Variants in CEP152 observed in about 807,000 individuals in gnomAD.
CEP152 encodes the protein centrosomal protein of 152 kDa.
A neutral mutation model predicts 188.9 loss-of-function variants in CEP152; 132 were observed. The ratio of observed to expected loss-of-function variants is 0.70; its 90% CI spans 0.61 to 0.81. The LOEUF (loss-of-function observed/expected upper bound fraction) is 0.81, where lower values mean the gene tolerates loss of function less well. Among genes scored for constraint, CEP152 ranks in the 30% least tolerant of loss-of-function variants. CEP152 has a pLI of 0.00. For missense variants in CEP152, 1,914 were observed against 1,969.8 expected, an observed-to-expected ratio of 0.97 and a Z score of 0.54; for synonymous variants, 649 against 666.6, an observed-to-expected ratio of 0.97 and a Z score of 0.41.
intron 9 of CEP152, among the ~76,000 whole-genome samples, chr15:48,787,926 T>C (rs1052700005): frequency 1.8e-4 from 27 of 152,250 alleles, no homozygotes; most frequent in Non-Finnish European, 4.4e-5. Flanking sequence ...AAAAATTCAC[T>C]GTGCAATATG....
intron 2 of CEP152, among the ~76,000 whole-genome samples, chr15:48,800,129 G>A (rs754116581): frequency 6.6e-6 from 1 of 151,874 alleles, no homozygotes; most frequent in Non-Finnish European, 1.5e-5. Flanking sequence ...CCACAAAATT[G>A]GCATCCACAG....
chr15:48,797,102 T>G (rs1897344990), intron 5 of CEP152, among the ~76,000 whole-genome samples, 199 bp downstream of exon 5: 1 of 152,226 alleles, frequency 6.6e-6, no homozygotes, highest in African/African-American at 2.4e-5. Context: ...ACTTCTGACT[T>G]AAGATCATGA....
At chr15:48,757,882 T>C (rs1894391393) in intron 19 of CEP152, among the ~76,000 whole-genome samples, 1 of 152,250 alleles carries the variant, frequency 6.6e-6, no homozygotes, top group African/African-American at 2.4e-5. Context: ...TGCCTGGAAG[T>C]CATTCCCAGG....
chr15:48,785,546 G>A (rs1896567345), intron 9 of CEP152, among the ~76,000 whole-genome samples: 1 of 151,812 alleles, frequency 6.6e-6, no homozygotes, highest in Non-Finnish European at 1.5e-5. Flanking sequence ...ATTCTGGGGA[G>A]GTCACAATAG....
intron 11 of CEP152, 129 bp from the exon 12 acceptor site, chr15:48,781,488 C>T: frequency 4.5e-6 from 3 of 664,884 alleles, no homozygotes; most frequent in Non-Finnish European, 7.7e-6. Context: ...ATTATTAGTA[C>T]ACATTATACT....
chr15:48,735,395 T>G (rs1722664325), downstream of CEP152, among the ~76,000 whole-genome samples: 1 of 152,192 alleles, frequency 6.6e-6, no homozygotes. Context: ...TACATCTATA[T>G]CAATAGAGAA....
At chr15:48,730,609 C>T (rs747660042) in intron 2 of CEP152, among the ~76,000 whole-genome samples, 12 of 152,176 alleles carry the variant, frequency 7.9e-5, no homozygotes, top group African/African-American at 2.9e-4. Context: ...ATTGCCTGAA[C>T]ATTGAATGCA....
At chr15:48,767,802 C>A (rs754086117) in intron 15 of CEP152, among the ~76,000 whole-genome samples, 5 of 152,092 alleles carry the variant, frequency 3.3e-5, no homozygotes, top group Non-Finnish European at 7.4e-5. Context: ...AATTTCAAGT[C>A]ATCTATATTA....
chr15:48,757,566 A>C (rs1278306504), intron 19 of CEP152, among the ~76,000 whole-genome samples: 3 of 152,156 alleles, frequency 2.0e-5, no homozygotes, highest in African/African-American at 4.8e-5. Flanking sequence ...AATATTCCTG[A>C]CTGAATTCCT....
rs747666132 is a variant in CEP152 at position 48,797,962 on chromosome 15, A to G, written c.177T>C (p.Asp59=). 18 of 1,613,836 alleles carry G rather than the reference A, an allele frequency of 1.1e-5. No individual in the cohort carries two copies. The highest frequency in any genetic ancestry group is 7.7e-5 in the South Asian group (7 of 91,076). ...PELQYSDCSE[D]GTDGQPHHPE... Reference sequence around the variant, plus strand: ...CAGGTGCTTACTGTCCGTCTGTGCCATCCTCGCTGCAGTCCGAATACTGGA... The same window carrying G: ...CAGGTGCTTACTGTCCGTCTGTGCCGTCCTCGCTGCAGTCCGAATACTGGA... The change falls in exon 3 of 27, where the codon GAT becomes GAC. Residue 59 remains aspartate, a synonymous_variant. Coordinates refer to ENST00000380950, the MANE Select transcript of CEP152 (RefSeq NM_001194998.2).
intron 2 of CEP152, among the ~76,000 whole-genome samples, chr15:48,805,035 A>G (rs1414116340): frequency 6.6e-6 from 1 of 152,134 alleles, no homozygotes; most frequent in African/African-American, 2.4e-5. Context: ...CTCAGCTCAT[A>G]TATTGCCTCC....
chr15:48,799,201 T>C (rs1455036421), intron 2 of CEP152, among the ~76,000 whole-genome samples: 1 of 152,154 alleles, frequency 6.6e-6, no homozygotes, highest in Non-Finnish European at 1.5e-5. Flanking sequence ...AGCATTTTTT[T>C]TCCACTTTAC....
rs1318752921 is a variant in CEP152, at chr15:48,741,963, C to T, written c.3973G>A (p.Asp1325Asn). The change falls in exon 25 of 27, where the codon GAT (aspartate) becomes AAT (asparagine). Residue 1325 changes from aspartate (D) to asparagine (N), a missense_variant. By Grantham distance (23) the Asp-to-Asn change is conservative (BLOSUM62 1). Coordinates refer to ENST00000380950, the MANE Select transcript of CEP152 (RefSeq NM_001194998.2). Reference sequence around the variant, plus strand: ...TGAACTCACCCTTCTTTTCCATCATCCTGCAAAATCTGTTGGAGGCAAATC... The same window carrying T: ...TGAACTCACCCTTCTTTTCCATCATTCTGCAAAATCTGTTGGAGGCAAATC... ...YLICLQQILQDDGKEGAEKKI... is the reference protein window; with the variant it reads ...YLICLQQILQNDGKEGAEKKI... 1.9e-6 allele frequency: 3 copies of T among 1,614,052 alleles called. No homozygotes were observed. The highest frequency in any genetic ancestry group is 2.7e-5 in the African/African-American group (2 of 74,934).
In CEP152 at chr15:48,796,147, T is replaced by G; in HGVS notation, c.554A>C (p.Gln185Pro). 6.2e-7 allele frequency: 1 copy of G among 1,613,794 alleles called. No homozygotes were observed. Among genetic ancestry groups the G allele is most frequent in the Non-Finnish European group, 8.5e-7 (1 of 1,179,780 alleles). The change falls in exon 6 of 27, where the codon CAA becomes CCA. Residue 185 changes from glutamine to proline, a missense_variant. By Grantham distance (76) the Gln-to-Pro change is moderately conservative. Transcript: ENST00000380950. ...QWNHFQGPSC[Q>P]GLEPYNKVTY... is the part of the protein sequence containing the mutation. The stretch of plus-strand genomic sequence containing the variant: ...CACTTTATTATACGGTTCCAAACCT[T>G]GACAACTGGGACCCTGTGATAACAA...
chr15:48,809,051 C>T (rs1037989255), intron 1 of CEP152, among the ~76,000 whole-genome samples: 7 of 152,108 alleles, frequency 4.6e-5, no homozygotes, highest in South Asian at 4.1e-4. Flanking sequence ...TTGTTGTCCC[C>T]GGTTGTTTTC....
intron 21 of CEP152, among the ~76,000 whole-genome samples, chr15:48,751,814 A>C (rs757360532): frequency 1.3e-5 from 2 of 152,222 alleles, no homozygotes; most frequent in Non-Finnish European, 2.9e-5. Context: ...GCTCTAGTAC[A>C]GTATAAGAAT....
At chr15:48,751,220 G>C (rs1387389198) in intron 21 of CEP152, among the ~76,000 whole-genome samples, 1 of 152,148 alleles carries the variant, frequency 6.6e-6, no homozygotes, top group Middle Eastern at 3.4e-3. Context: ...TATTTTTATA[G>C]TCTGATTTTT....
chr15:48,786,678 T>C (rs1323990401), intron 9 of CEP152, among the ~76,000 whole-genome samples: 5 of 151,754 alleles, frequency 3.3e-5, no homozygotes, highest in Admixed American at 6.6e-5. Flanking sequence ...CCATGCTCTG[T>C]TAAAAAAAAT....
At chr15:48,755,853 C>G in intron 20 of CEP152, 50 bp downstream of exon 20, 1 of 1,609,716 alleles carries the variant, frequency 6.2e-7, no homozygotes, top group Non-Finnish European at 8.5e-7. Context: ...TATACAACTT[C>G]TATAATCATT....
Sources: allele counts gnomAD v4.1 joint callset (sites outside exome capture counted in the v4.1 genomes callset), GRCh38; gene constraint gnomAD v4.1.1; transcripts MANE v1.5; gene names NCBI Gene and HGNC (gene_info 2026-07-23, HGNC 2026-07-21).